Variants in CNTN6 observed in about 807,000 individuals in gnomAD.
CNTN6 encodes contactin 6.
In CNTN6, 137 loss-of-function variants were observed where a neutral mutation model predicts 122.8. The ratio of observed to expected loss-of-function variants is 1.12; its 90% confidence interval spans 0.97 to 1.29. The LOEUF (loss-of-function observed/expected upper bound fraction) is 1.29. Ranked by LOEUF, CNTN6 falls within the 50% of genes most tolerant of loss-of-function variation. CNTN6 has a pLI of 0.00. For synonymous variants in CNTN6, 570 were observed against 426.0 expected, an observed-to-expected ratio of 1.34 and a Z score of -4.16; for missense variants, 1,634 against 1,223.4, an observed-to-expected ratio of 1.34 and a Z score of -5.01.
intron 1 of CNTN6, among the ~76,000 whole-genome samples, chr3:1,095,197 G>A (rs560007484): frequency 1.2e-4 from 19 of 152,096 alleles, no homozygotes; most frequent in African/African-American, 4.1e-4. Context: ...TATTGGCCGC[G>A]CGCGGTGGTT....
chr3:1,199,745 C>T (rs962170160), intron 2 of CNTN6, among the ~76,000 whole-genome samples: 47 of 152,118 alleles, frequency 3.1e-4, no homozygotes, highest in Admixed American at 3.0e-3. Context: ...TCACTCATGG[C>T]TCAAAAGGAA....
At chr3:1,116,799 G>C (rs533344038) in intron 1 of CNTN6, among the ~76,000 whole-genome samples, 2 of 148,888 alleles carry the variant, frequency 1.3e-5, no homozygotes, top group South Asian at 4.2e-4. Flanking sequence ...CTGCTTCCCA[G>C]GTTCAAGCGA....
At chr3:1,360,673 TATGTTTCTA>T (rs1707329257) in intron 12 of CNTN6, among the ~76,000 whole-genome samples, 1 of 151,970 alleles carries the variant, frequency 6.6e-6, no homozygotes, top group African/African-American at 2.4e-5. Flanking sequence ...CATCCAGTTT[TATGTTTCTA>T]AATATTATCT....
chr3:1,284,772 C>T lies in CNTN6; in HGVS notation c.454+6264C>T, dbSNP rs552348483. ...GTTTCACTGCTATTTGAGCAGAGAA[C>T]TAAAGAAGTGAGGGAGTGAGACACA... On this transcript the variant is annotated intron_variant, in intron 5 of 22. Transcript: ENST00000446702. Among the ~76,000 whole-genome samples the T allele has an allele frequency of 2.0e-5, 3 of 152,202 alleles. No individual in the cohort carries two copies. The South Asian group carries it at 6.2e-4, about 32-fold the overall frequency.
At chr3:1,208,626 C>T (rs10510165) in intron 2 of CNTN6, among the ~76,000 whole-genome samples, 52,222 of 151,840 alleles carry the variant, frequency 0.34, 9,505 homozygotes, top group African/African-American at 0.48. Flanking sequence ...TAGTGATTTA[C>T]GGTATGAGTT....
Position 1,373,959 on chromosome 3 carries a change from A to G in CNTN6, c.1981A>G (p.Thr661Ala), listed in dbSNP as rs924119610. The part of the protein sequence containing the change: ...EILNGKTYNA[T>A]VVGLSPWVEY... ...TCTCAATGGTAAGACATACAATGCA[A>G]CAGTGGTTGGTTTGAGTCCTTGGGT... The change falls in exon 16 of 23, where the codon ACA (threonine) becomes GCA (alanine). Residue 661 changes from threonine to alanine, a missense_variant. Thr to Ala is a moderately conservative substitution (Grantham distance 58). Coordinates refer to ENST00000446702, the MANE Select transcript of CNTN6 (RefSeq NM_001289080.2). The G allele has an allele frequency of 6.2e-7, 1 of 1,613,138 alleles. No individual in the cohort carries two copies. The highest frequency in any genetic ancestry group is 1.7e-5 in the Admixed American group (1 of 59,928).
chr3:1,383,574 G>C (rs1692274085), intron 19 of CNTN6, among the ~76,000 whole-genome samples, 166 bp downstream of exon 19: 1 of 152,182 alleles, frequency 6.6e-6, no homozygotes, highest in Non-Finnish European at 1.5e-5. Flanking sequence ...CCCCCACATT[G>C]AGAGGCTTAG....
chr3:1,255,352 T>C (rs2094736579), intron 4 of CNTN6, among the ~76,000 whole-genome samples: 1 of 150,270 alleles, frequency 6.7e-6, no homozygotes. Context: ...GAATATTCCA[T>C]AGACGGAAAC....
At position 1,377,095 on chromosome 3, in the gene CNTN6, A is replaced by C; in HGVS notation, c.2166+20A>C. 2 of 1,545,894 alleles carry C rather than the reference A, an allele frequency of 1.3e-6. No individual in the cohort carries two copies. Among genetic ancestry groups the C allele is most frequent in the South Asian group, 2.4e-5 (2 of 83,760 alleles). On this transcript the variant is annotated intron_variant, in intron 17 of 22. Coordinates refer to ENST00000446702, the MANE Select transcript of CNTN6 (RefSeq NM_001289080.2). Reference sequence around the variant, plus strand: ...TGGGAGGTAATTTTCTGTCCAACTGAGTTATTTTGAAGAAAAGAGATTTAA... The same window carrying C: ...TGGGAGGTAATTTTCTGTCCAACTGCGTTATTTTGAAGAAAAGAGATTTAA...
chr3:1,365,046 T>C (rs1708016810), intron 12 of CNTN6, among the ~76,000 whole-genome samples: 1 of 152,018 alleles, frequency 6.6e-6, no homozygotes, highest in African/African-American at 2.4e-5. Flanking sequence ...TTCCTCCCTA[T>C]TCTGTATGTA....
At position 1,324,146 on chromosome 3, in the gene CNTN6, C is replaced by T. The variant is rs910673774; in HGVS notation, c.947-1669C>T. Among the ~76,000 whole-genome samples the T allele has an allele frequency of 2.1e-4, 31 of 149,482 alleles. 4 individuals are homozygous for T. Among genetic ancestry groups the T allele is most frequent in the African/African-American group, 7.6e-4 (30 of 39,222 alleles). ...ATTTGTCCCTCAAGGCTGCAGGAAGCACATTCTGTAACTGGAAGTTGTCCT... is the reference window on the plus strand; with the variant it reads ...ATTTGTCCCTCAAGGCTGCAGGAAGTACATTCTGTAACTGGAAGTTGTCCT... On this transcript the variant is annotated intron_variant, in intron 8 of 22. Coordinates refer to ENST00000446702, the MANE Select transcript of CNTN6 (RefSeq NM_001289080.2).
rs1486783826 is a variant in CNTN6 at position 1,157,119 on chromosome 3, C to T, written c.55+9056C>T. On this transcript the variant is annotated intron_variant, in intron 2 of 22. Transcript: ENST00000446702. ...TTGATATAGGCATGCAATGCATAAT[C>T]GCAATAGGGAAACTGGGGTATCCAG... is the stretch of plus-strand genomic sequence containing the variant. 2.6e-5 allele frequency among the ~76,000 whole-genome samples: 4 copies of T among 151,700 alleles called. No homozygotes were observed. The East Asian group carries it at 5.8e-4, about 22-fold the overall frequency.
chr3:1,276,550 T>G (rs1575521178), intron 4 of CNTN6, among the ~76,000 whole-genome samples: 2 of 152,192 alleles, frequency 1.3e-5, no homozygotes, highest in East Asian at 3.9e-4. Context: ...ACCTTGCCCA[T>G]TATGCACTAA....
intron 4 of CNTN6, among the ~76,000 whole-genome samples, chr3:1,256,473 A>C (rs1047877054): frequency 1.3e-5 from 2 of 152,162 alleles, no homozygotes; most frequent in Non-Finnish European, 2.9e-5. Context: ...GGAAGACTTG[A>C]AGAACTACTT....
At chr3:1,101,914 A>C (rs1437547939) in intron 1 of CNTN6, among the ~76,000 whole-genome samples, 1 of 152,216 alleles carries the variant, frequency 6.6e-6, no homozygotes, top group East Asian at 1.9e-4. Flanking sequence ...CTTTGTTAGC[A>C]CAGCAATTCC....
intron 12 of CNTN6, among the ~76,000 whole-genome samples, chr3:1,366,117 G>A (rs577402443): frequency 1.2e-4 from 18 of 152,088 alleles, no homozygotes; most frequent in East Asian, 3.9e-4. Flanking sequence ...AGGAGCTCAC[G>A]TTTTGAATGC....
intron 1 of CNTN6, among the ~76,000 whole-genome samples, chr3:1,137,469 T>C (rs1285815939): frequency 6.6e-6 from 1 of 152,212 alleles, no homozygotes; most frequent in Non-Finnish European, 1.5e-5. Context: ...AGGGGATTTT[T>C]AGCATCCTGT....
chr3:1,174,406 A>T (rs1043248267), intron 2 of CNTN6, among the ~76,000 whole-genome samples: 3 of 152,228 alleles, frequency 2.0e-5, no homozygotes, highest in African/African-American at 7.2e-5. Flanking sequence ...AGGTATTTTC[A>T]GATGGAATCT....
chr3:1,293,169 T>G (rs1302704731), intron 5 of CNTN6, among the ~76,000 whole-genome samples: 1 of 152,172 alleles, frequency 6.6e-6, no homozygotes, highest in Non-Finnish European at 1.5e-5. Context: ...TAAATTGTTG[T>G]GAGAAATTAA....
Sources: allele counts gnomAD v4.1 joint callset (sites outside exome capture counted in the v4.1 genomes callset), GRCh38; gene constraint gnomAD v4.1.1; transcripts MANE v1.5; gene names NCBI Gene and HGNC (gene_info 2026-07-23, HGNC 2026-07-21).